CLEC12B: variants seen among roughly 807,000 people sequenced by gnomAD.
The protein encoded by CLEC12B is macrophage antigen h.
Under a neutral mutation model 36.1 loss-of-function variants are expected in CLEC12B, and 25 were observed. The observed-to-expected ratio is 0.69, with a 90% CI of 0.50 to 0.97. CLEC12B has a LOEUF of 0.97. Ranked by LOEUF, CLEC12B falls within the 50% of genes least tolerant of loss-of-function variation. The probability of loss-of-function intolerance (pLI) is 0.00; values close to 1 mark genes in which losing one functional copy is unlikely to be tolerated. For synonymous variants in CLEC12B, 110 were observed against 108.5 expected (o/e 1.01, Z -0.09); for missense variants, 325 against 318.4 (o/e 1.02, Z -0.16).
chr12:10,006,439 TAGTTCATTCCAGGATA>T (rs1363738921), upstream of CLEC12B, among the ~76,000 whole-genome samples: 2 of 151,452 alleles, frequency 1.3e-5, no homozygotes, highest in Non-Finnish European at 2.9e-5. Flanking sequence ...CTATTCAATT[TAGTTCATTCCAGGATA>T]AGTTTTTTGT....
chr12:10,007,373 G>T (rs1865242900), upstream of CLEC12B, among the ~76,000 whole-genome samples: 1 of 152,116 alleles, frequency 6.6e-6, no homozygotes, highest in African/African-American at 2.4e-5. Context: ...AAGGAGATAG[G>T]TGGATGGATT....
intron 5 of CLEC12B, chr12:10,016,823 ATTG>A (rs923104090): frequency 4.7e-4 from 96 of 204,160 alleles, no homozygotes; most frequent in African/African-American, 2.2e-3. Flanking sequence ...ACAGTAGATT[ATTG>A]TTAATTGTAT....
intron 2 of CLEC12B, 69 bp downstream of exon 2, chr12:10,012,952 T>G: frequency 8.5e-7 from 1 of 1,176,190 alleles, no homozygotes; most frequent in Non-Finnish European, 1.3e-6. Flanking sequence ...TACTTTCAGC[T>G]TGGATTGTAG....
chr12:10,014,443 G>A, intron 2 of CLEC12B, 80 bp from the exon 3 acceptor site: 1 of 1,027,956 alleles, frequency 9.7e-7, no homozygotes, highest in Non-Finnish European at 1.5e-6. Flanking sequence ...GAACAATTAA[G>A]AAATGTTTCT....
At position 10,010,932 on chromosome 12, in the gene CLEC12B, G is replaced by A. The variant is rs544651846; in HGVS notation, c.91+82G>A. 1.1e-5 allele frequency: 9 copies of A among 821,390 alleles called. No homozygotes were observed. The South Asian group carries it at 1.3e-4, about 12-fold the overall frequency. 50.9% of individuals were successfully genotyped at this position (821,390 alleles called of 1,614,324 possible). On this transcript the variant is annotated intron_variant, in intron 1 of 5. Transcript: ENST00000338896. ...CTTTGAGGTGCCAGCTTTAATACTG[G>A]CGTTAAAGACATGTGCTGTGAAATC...
At chr12:10,017,640 C>T (rs1352949659) in intron 5 of CLEC12B, 2 of 985,500 alleles carry the variant, frequency 2.0e-6, no homozygotes, top group Non-Finnish European at 2.4e-6. Flanking sequence ...AAGGCCAAGG[C>T]TAAGATTTAG....
At chr12:10,007,928 G>T (rs12578560), upstream of CLEC12B, among the ~76,000 whole-genome samples, 30,328 of 152,126 alleles carry the variant, frequency 0.2, 3,858 homozygotes, top group East Asian at 0.48. Context: ...ACAATGAGAA[G>T]TTGGCATGGT....
At chr12:10,013,175 C>T (rs905501638) in intron 2 of CLEC12B, 24 of 381,008 alleles carry the variant, frequency 6.3e-5, no homozygotes, top group Non-Finnish European at 1.9e-5. Context: ...CCTAGACACA[C>T]ATTCACTTAT....
chr12:10,017,350 C>G, intron 5 of CLEC12B: 2 of 985,394 alleles, frequency 2.0e-6, no homozygotes, highest in Non-Finnish European at 2.4e-6. Context: ...TGCTACTAGA[C>G]TGAGGGTTTC....
At position 10,018,558 on chromosome 12, in the gene CLEC12B, C is replaced by A; in HGVS notation, c.*77C>A. 1 of 1,193,742 alleles carries A rather than the reference C, an allele frequency of 8.4e-7. No homozygotes were observed. Among genetic ancestry groups the A allele is most frequent in the Non-Finnish European group, 1.2e-6 (1 of 849,864 alleles). 73.9% of individuals were successfully genotyped at this position (1,193,742 alleles called of 1,614,324 possible). ...ATGAGGAAAGAGGAAACTACGGTAC[C>A]AGAGCCAAACCAGCTTTTAAAATGA... On this transcript the variant is annotated 3_prime_UTR_variant, in exon 6 of 6. Coordinates refer to ENST00000338896, the MANE Select transcript of CLEC12B (RefSeq NM_001129998.3).
At position 10,018,639 on chromosome 12, in the gene CLEC12B, C is replaced by T. The variant is rs962640388; in HGVS notation, c.*158C>T. On this transcript the variant is annotated 3_prime_UTR_variant, in exon 6 of 6. Transcript: ENST00000338896. ...TTGTTTAACAGAACATTCTCCAGTT[C>T]CTTGTCTGACGTCTTCTGATTTGAT... The T allele has an allele frequency of 3.2e-6, 2 of 628,582 alleles. No homozygotes were observed. The highest frequency in any genetic ancestry group is 3.0e-5 in the East Asian group (1 of 33,842). The allele number at this position is 628,582 out of a possible 1,614,324, so 38.9% of individuals were successfully genotyped here. A position where few individuals can be genotyped will look rare whatever the true frequency, so the allele number is the denominator to read the frequency against.
chr12:10,017,006 A>T, intron 5 of CLEC12B: 5 of 983,812 alleles, frequency 5.1e-6, no homozygotes, highest in African/African-American at 1.8e-5. Flanking sequence ...AAACTGAATA[A>T]TAATCACTCA....
At position 10,018,469 on chromosome 12, in the gene CLEC12B, G is replaced by C; in HGVS notation, c.819G>C (p.Glu273Asp). The change falls in exon 6 of 6, where the codon GAG (glutamate) becomes GAC (aspartate). Residue 273 changes from glutamate to aspartate, a missense_variant. Transcript: ENST00000338896. Reference sequence around the variant, plus strand: ...AGACAGCTGCCCCAGTGAAGACTGAGGATTTGGATTAGTATGCTTCTTCCA... The same window carrying C: ...AGACAGCTGCCCCAGTGAAGACTGACGATTTGGATTAGTATGCTTCTTCCA... ...CEKTAAPVKT[E>D]DLD 6.4e-7 allele frequency: 1 copy of C among 1,550,580 alleles called. No individual in the cohort carries two copies. Among genetic ancestry groups the C allele is most frequent in the Non-Finnish European group, 8.7e-7 (1 of 1,146,538 alleles).
chr12:10,010,151 ATGTCTCTCTCTCTC>A (rs1380717576), upstream of CLEC12B, among the ~76,000 whole-genome samples: 2 of 144,692 alleles, frequency 1.4e-5, no homozygotes, highest in African/African-American at 5.2e-5. Flanking sequence ...TACCAACACC[ATGTCTCTCTCTCTC>A]TGTCTCTCTC....
chr12:10,015,205 A>T, intron 3 of CLEC12B, 47 bp from the exon 4 acceptor site: 1 of 1,476,484 alleles, frequency 6.8e-7, no homozygotes, highest in East Asian at 2.3e-5. Flanking sequence ...TTCTCCAGTC[A>T]CTCTAGAGTC....
At chr12:10,006,718 T>C (rs780970660), upstream of CLEC12B, among the ~76,000 whole-genome samples, 1 of 152,168 alleles carries the variant, frequency 6.6e-6, no homozygotes, top group Non-Finnish European at 1.5e-5. Context: ...TGGATGTGTT[T>C]ATACTGAGGT....
At chr12:10,017,418 A>G in intron 5 of CLEC12B, 13 of 985,342 alleles carry the variant, frequency 1.3e-5, no homozygotes, top group Non-Finnish European at 1.4e-5. Context: ...GGAATCTAAG[A>G]TGTGTCCCTT....
chr12:10,012,057 G>A (rs1388912734), intron 1 of CLEC12B, among the ~76,000 whole-genome samples: 4 of 152,064 alleles, frequency 2.6e-5, no homozygotes, highest in Non-Finnish European at 4.4e-5. Flanking sequence ...GGATGCTAAC[G>A]GCTTTCTGGT....
At chr12:10,013,953 T>G (rs2137269488) in intron 2 of CLEC12B, among the ~76,000 whole-genome samples, 1 of 152,340 alleles carries the variant, frequency 6.6e-6, no homozygotes, top group East Asian at 1.9e-4. Flanking sequence ...GGGTGACATT[T>G]CTTTTCTAAA....
Sources: gnomAD v4.1 joint callset for allele counts (sites outside exome capture counted in the v4.1 genomes callset) on GRCh38, gnomAD v4.1.1 for gene constraint, MANE v1.5 for transcripts, NCBI Gene and HGNC (gene_info 2026-07-23, HGNC 2026-07-21) for gene names.